Variants in ATXN1L observed in about 807,000 individuals in gnomAD.
The protein encoded by ATXN1L is ataxin-1-like.
Under a neutral mutation model 43.4 loss-of-function variants are expected in ATXN1L, and 8 were observed. The ratio of observed to expected loss-of-function variants is 0.18; its 90% confidence interval spans 0.11 to 0.33. ATXN1L has a LOEUF of 0.33. Among genes scored for constraint, ATXN1L ranks in the 10% least tolerant of loss-of-function variants. ATXN1L has a pLI of 1.00. For synonymous variants in ATXN1L, 379 were observed against 360.6 expected (o/e 1.05, Z -0.58); for missense variants, 856 against 885.4 (o/e 0.97, Z 0.42).
rs1320084578 is a variant in ATXN1L at position 71,855,332 on chromosome 16, C to G, written c.*3522C>G. 6.0e-6 allele frequency: 1 copy of G among 167,070 alleles called. No homozygotes were observed. Among genetic ancestry groups the G allele is most frequent in the African/African-American group, 2.4e-5 (1 of 41,454 alleles). The allele number at this position is 167,070 out of a possible 1,614,324, so 10.3% of individuals were successfully genotyped here. A position where few individuals can be genotyped will look rare whatever the true frequency, so the allele number is the denominator to read the frequency against. On this transcript the variant is annotated 3_prime_UTR_variant, in exon 3 of 3. Coordinates refer to ENST00000427980, the MANE Select transcript of ATXN1L (RefSeq NM_001137675.4). ...AGCAGGTTTCTACTAGTGGTGTCTT[C>G]TGTTGTATTAACTTCTTTCCTTTGT...
chr16:71,850,065 A>G lies in ATXN1L; in HGVS notation c.325A>G (p.Thr109Ala), dbSNP rs532286720. The G allele has an allele frequency of 2.4e-5, 37 of 1,551,616 alleles. No homozygotes were observed. In the East Asian group the frequency reaches 5.6e-4, roughly 24 times the overall value. ...SVVNMSPLPP[T>A]FNVASSLIQH... ...GGTGAATATGAGTCCCTTGCCCCCAACGTTTAATGTAGCGTCTTCACTAAT... is the reference window on the plus strand; with the variant it reads ...GGTGAATATGAGTCCCTTGCCCCCAGCGTTTAATGTAGCGTCTTCACTAAT... Residue 109 changes from threonine (T) to alanine (A), a missense_variant, in exon 3 of 3, where the codon ACG becomes GCG. Coordinates refer to ENST00000427980, the MANE Select transcript of ATXN1L (RefSeq NM_001137675.4).
At chr16:71,848,097 G>C in intron 2 of ATXN1L, 26 bp downstream of exon 2, 1 of 455,316 alleles carries the variant, frequency 2.2e-6, no homozygotes, top group Non-Finnish European at 4.4e-6. Context: ...TGAATTCCTT[G>C]TTTCAGGAAA....
intron 1 of ATXN1L, among the ~76,000 whole-genome samples, chr16:71,847,131 A>G (rs963448495): frequency 6.6e-6 from 1 of 152,244 alleles, no homozygotes; most frequent in Non-Finnish European, 1.5e-5. Flanking sequence ...TAAGAGAGAA[A>G]TGTTGCATTC....
In ATXN1L at chr16:71,849,931, G is replaced by T. The variant is rs777479415; in HGVS notation, c.191G>T (p.Gly64Val). The T allele has an allele frequency of 1.1e-5, 17 of 1,551,108 alleles. No homozygotes were observed. The highest frequency in any genetic ancestry group is 1.7e-4 in the Middle Eastern group (1 of 5,988). ...CAGGCAGGAGCCAGAGTCAGCCTGG[G>T]GGGTGATGGAGCTGAGGCCATCACC... ...QSQAGARVSL[G>V]GDGAEAITGL... Residue 64 changes from glycine to valine, a missense_variant, in exon 3 of 3, where the codon GGG becomes GTG. Around this residue, in one of 7 missense-constraint regions of ATXN1L, gnomAD observed 93 missense variants for 113.4 expected, o/e 0.82. Transcript: ENST00000427980.
In ATXN1L at chr16:71,851,118, A is replaced by T. The variant is rs1190726911; in HGVS notation, c.1378A>T (p.Ile460Phe). The T allele has an allele frequency of 1.3e-6, 2 of 1,551,404 alleles. No individual in the cohort carries two copies. Among genetic ancestry groups the T allele is most frequent in the Admixed American group, 3.9e-5 (2 of 50,980 alleles). The change falls in exon 3 of 3, where the codon ATT becomes TTT. Residue 460 changes from isoleucine (I) to phenylalanine (F), a missense_variant. Coordinates refer to ENST00000427980, the MANE Select transcript of ATXN1L (RefSeq NM_001137675.4). This position sits in a 1 kb window ranked among gnomAD's most constrained non-coding sequence, Gnocchi z 4.9. ...FPDKEPTPPP[I>F]TSSHLPSHFM... ...AGACAAGGAGCCAACGCCGCCCCCC[A>T]TTACCTCCTCTCACTTGCCTTCCCA...
In ATXN1L at chr16:71,847,369, A is replaced by G. The variant is rs541245942; in HGVS notation, c.-179-641A>G. ...CAAGGCAATATTTTCAGTTTCTTTC[A>G]TACCTGATTCAGCACTTGGTATACT... On this transcript the variant is annotated intron_variant, in intron 1 of 2. Transcript: ENST00000427980. 3.9e-5 allele frequency among the ~76,000 whole-genome samples: 6 copies of G among 152,196 alleles called. No homozygotes were observed. The East Asian group carries it at 9.7e-4, about 25-fold the overall frequency.
Position 71,850,897 on chromosome 16 carries a change from T to A in ATXN1L, c.1157T>A (p.Leu386Gln), listed in dbSNP as rs778926253. The change falls in exon 3 of 3, where the codon CTG becomes CAG. Residue 386 changes from leucine (L) to glutamine (Q), a missense_variant. Physicochemically the swap from Leu to Gln is moderately radical, Grantham distance 113. Transcript: ENST00000427980. ...GGGTCAGCCAGGAACCCTGCAGAGC[T>A]GGCAGAGAAAAGTCAGGCCCGTGGG... ...GRGSARNPAELAEKSQARGFY... is the reference protein window; with the variant it reads ...GRGSARNPAEQAEKSQARGFY... 4.5e-5 allele frequency: 70 copies of A among 1,551,654 alleles called. No homozygotes were observed. In the African/African-American group the frequency reaches 5.5e-4, roughly 12 times the overall value.
At chr16:71,847,415 TAC>T (rs1190997460) in intron 1 of ATXN1L, among the ~76,000 whole-genome samples, 1 of 152,060 alleles carries the variant, frequency 6.6e-6, no homozygotes. Flanking sequence ...AAATTTTACA[TAC>T]ACACACACAT....
chr16:71,850,153 A>G lies in ATXN1L; in HGVS notation c.413A>G (p.Gln138Arg). 6.4e-7 allele frequency: 1 copy of G among 1,551,734 alleles called. No individual in the cohort carries two copies. The highest frequency in any genetic ancestry group is 2.4e-5 in the East Asian group (1 of 40,926). ...GCTCAGCTCCCATCCACCTCGCTGCAGTTCATTGGGTCTCCTTATAGCCTT... is the reference window on the plus strand; with the variant it reads ...GCTCAGCTCCCATCCACCTCGCTGCGGTTCATTGGGTCTCCTTATAGCCTT... The part of the protein sequence containing the change: ...HYAQLPSTSL[Q>R]FIGSPYSLPY... Residue 138 changes from glutamine to arginine, a missense_variant, in exon 3 of 3, where the codon CAG becomes CGG. Gln to Arg is a conservative substitution (Grantham distance 43). Coordinates refer to ENST00000427980, the MANE Select transcript of ATXN1L (RefSeq NM_001137675.4).
At position 71,854,106 on chromosome 16, in the gene ATXN1L, C is replaced by G. The variant is rs2033530869; in HGVS notation, c.*2296C>G. On this transcript the variant is annotated 3_prime_UTR_variant, in exon 3 of 3. Transcript: ENST00000427980. ...GTTTGCATGGGTTTCTCACAAGCGT[C>G]CTTCCTCATAGGAAGGCTCATCAAC... 1 of 167,076 alleles carries G rather than the reference C, an allele frequency of 6.0e-6. No individual in the cohort carries two copies. The highest frequency in any genetic ancestry group is 6.5e-5 in the Admixed American group (1 of 15,288). The allele number at this position is 167,076 out of a possible 1,614,324, so 10.3% of individuals were successfully genotyped here.
Position 71,855,767 on chromosome 16 carries a change from A to C in ATXN1L, c.*3957A>C, listed in dbSNP as rs1446772196. 1 of 167,226 alleles carries C rather than the reference A, an allele frequency of 6.0e-6. No individual in the cohort carries two copies. The highest frequency in any genetic ancestry group is 1.9e-4 in the East Asian group (1 of 5,188). The allele number at this position is 167,226 out of a possible 1,614,324, so 10.4% of individuals were successfully genotyped here. Reference sequence around the variant, plus strand: ...ATAGGACAGAGACTAAGTTTTAGGGAGACATCTTGGCCTCCTAGGCTAAGT... The same window carrying C: ...ATAGGACAGAGACTAAGTTTTAGGGCGACATCTTGGCCTCCTAGGCTAAGT... On this transcript the variant is annotated 3_prime_UTR_variant, in exon 3 of 3. Transcript: ENST00000427980.
chr16:71,851,635 C>T lies in ATXN1L; in HGVS notation c.1895C>T (p.Ser632Phe), dbSNP rs767579461. ...EGKSQPAGEG[S>F]RVVEPSQPES... is the part of the protein sequence containing the mutation. ...AAGAGCCAGCCGGCAGGAGAGGGCT[C>T]CCGTGTGGTAGAGCCTTCCCAGCCT... The change falls in exon 3 of 3, where the codon TCC becomes TTC. Residue 632 changes from serine (S) to phenylalanine (F), a missense_variant. Around this residue, in one of 7 missense-constraint regions of ATXN1L, gnomAD observed 185 missense variants for 176.8 expected, o/e 1.05. Transcript: ENST00000427980. The surrounding 1 kb of genome is among the most constrained non-coding windows in gnomAD (Gnocchi z 4.9). 74 of 1,534,226 alleles carry T rather than the reference C, an allele frequency of 4.8e-5. No homozygotes were observed. Among genetic ancestry groups the T allele is most frequent in the Non-Finnish European group, 5.4e-5 (61 of 1,134,952 alleles).
chr16:71,847,905 C>A, intron 1 of ATXN1L, 105 bp from the exon 2 acceptor site: 1 of 348,734 alleles, frequency 2.9e-6, no homozygotes, highest in Non-Finnish European at 5.8e-6. Context: ...GAAGATGAGG[C>A]AAGGACGTGT....
intron 1 of ATXN1L, among the ~76,000 whole-genome samples, chr16:71,846,741 G>A (rs943349597): frequency 6.6e-6 from 1 of 152,124 alleles, no homozygotes; most frequent in Non-Finnish European, 1.5e-5. Flanking sequence ...CGGAGGTTTC[G>A]GATTCTTAAG....
rs2033495818 is a variant in ATXN1L at position 71,850,996 on chromosome 16, A to T, written c.1256A>T (p.Asn419Ile). The T allele has an allele frequency of 6.4e-7, 1 of 1,551,600 alleles. No homozygotes were observed. Among genetic ancestry groups the T allele is most frequent in the African/African-American group, 1.4e-5 (1 of 73,040 alleles). The part of the protein sequence containing the change: ...LPKAMVVANG[N>I]LVPTGTDSGL... ...AAAGCAATGGTTGTAGCCAATGGCAACCTGGTGCCCACTGGAACTGACTCA... is the reference window on the plus strand; with the variant it reads ...AAAGCAATGGTTGTAGCCAATGGCATCCTGGTGCCCACTGGAACTGACTCA... The change falls in exon 3 of 3, where the codon AAC becomes ATC. Residue 419 changes from asparagine to isoleucine, a missense_variant. By Grantham distance (149) the Asn-to-Ile change is moderately radical. Around this residue, in one of 7 missense-constraint regions of ATXN1L, gnomAD observed 490 missense variants for 449.4 expected, o/e 1.09. Transcript: ENST00000427980.
At position 71,850,217 on chromosome 16, in the gene ATXN1L, C is replaced by A. The variant is rs538942889; in HGVS notation, c.477C>A (p.Leu159=). 3 of 1,551,616 alleles carry A rather than the reference C, an allele frequency of 1.9e-6. No individual in the cohort carries two copies. The highest frequency in any genetic ancestry group is 2.4e-5 in the South Asian group (2 of 84,064). The change falls in exon 3 of 3, where the codon CTC becomes CTA. Residue 159 remains leucine, a synonymous_variant. Coordinates refer to ENST00000427980, the MANE Select transcript of ATXN1L (RefSeq NM_001137675.4). ...AVPPNFLPSP[L]LSPSANLATS... ...CACCTAATTTCCTACCGAGTCCCCT[C>A]CTATCTCCTTCTGCCAACCTTGCCA...
rs1416463636 is a variant in ATXN1L, at chr16:71,850,817, A to T, written c.1077A>T (p.Glu359Asp). 2 of 1,551,556 alleles carry T rather than the reference A, an allele frequency of 1.3e-6. No homozygotes were observed. The highest frequency in any genetic ancestry group is 1.7e-6 in the Non-Finnish European group (2 of 1,146,970). Residue 359 changes from glutamate (E) to aspartate (D), a missense_variant, in exon 3 of 3, where the codon GAA (glutamate) becomes GAT (aspartate). Physicochemically the swap from Glu to Asp is conservative, Grantham distance 45 (BLOSUM62 2). Around this residue, in one of 7 missense-constraint regions of ATXN1L, gnomAD observed 490 missense variants for 449.4 expected, o/e 1.09. Transcript: ENST00000427980. ...YRVVAAQRKE[E>D]PSPLNLSHHT... is the part of the protein sequence containing the mutation. ...TGGTGGCAGCTCAGAGGAAGGAGGA[A>T]CCCAGCCCCCTCAACCTATCCCATC...
rs1396181634 is a variant in ATXN1L at position 71,852,556 on chromosome 16, C to T, written c.*746C>T. On this transcript the variant is annotated 3_prime_UTR_variant, in exon 3 of 3. Coordinates refer to ENST00000427980, the MANE Select transcript of ATXN1L (RefSeq NM_001137675.4). Reference sequence around the variant, plus strand: ...CAGTCAGGGGACTTTGGGAGAAAGACTTGATAGCCAGGCTGACTGGGTTCT... The same window carrying T: ...CAGTCAGGGGACTTTGGGAGAAAGATTTGATAGCCAGGCTGACTGGGTTCT... 6.0e-6 allele frequency: 1 copy of T among 167,180 alleles called. No homozygotes were observed. The highest frequency in any genetic ancestry group is 2.4e-5 in the African/African-American group (1 of 41,458). The allele number at this position is 167,180 out of a possible 1,614,324, so 10.4% of individuals were successfully genotyped here.
In ATXN1L at chr16:71,852,057, G is replaced by A; in HGVS notation, c.*247G>A. On this transcript the variant is annotated 3_prime_UTR_variant, in exon 3 of 3. Coordinates refer to ENST00000427980, the MANE Select transcript of ATXN1L (RefSeq NM_001137675.4). ...GCAGGCCTGGGGCAAGGAAGGAAGGGGGTGCACACAGGAGAAGAAACATTC... is the reference window on the plus strand; with the variant it reads ...GCAGGCCTGGGGCAAGGAAGGAAGGAGGTGCACACAGGAGAAGAAACATTC... 2.7e-6 allele frequency: 1 copy of A among 367,390 alleles called. No individual in the cohort carries two copies. Among genetic ancestry groups the A allele is most frequent in the African/African-American group, 2.1e-5 (1 of 47,778 alleles). The allele number at this position is 367,390 out of a possible 1,614,324, so 22.8% of individuals were successfully genotyped here.
Sources: allele counts gnomAD v4.1 joint callset (sites outside exome capture counted in the v4.1 genomes callset), GRCh38; gene constraint gnomAD v4.1.1; regional missense constraint gnomAD v4.1.1; non-coding constraint Gnocchi (gnomAD v3.1); transcripts MANE v1.5; gene names NCBI Gene and HGNC (gene_info 2026-07-23, HGNC 2026-07-21).